Variants in DDX60 observed in about 807,000 individuals in gnomAD.
DDX60 encodes the protein DExD/H-box helicase 60, also known as probable ATP-dependent RNA helicase DDX60.
A neutral mutation model predicts 212.8 loss-of-function variants in DDX60; 165 were observed. That is an observed-to-expected ratio of 0.78 (90% confidence interval 0.68 to 0.88). The LOEUF (loss-of-function observed/expected upper bound fraction) is 0.88, where lower values mean the gene tolerates loss of function less well. Ranked by LOEUF, DDX60 falls within the 40% of genes least tolerant of loss-of-function variation. The pLI, the probability that DDX60 is intolerant of heterozygous loss-of-function variation, is 0.00. For synonymous variants in DDX60, 703 were observed against 685.3 expected, an observed-to-expected ratio of 1.03 and a Z score of -0.40; for missense variants, 1,905 against 2,003.9, an observed-to-expected ratio of 0.95 and a Z score of 0.94.
At chr4:168,290,678 C>T (rs1258391915) in intron 8 of DDX60, among the ~76,000 whole-genome samples, 1 of 151,986 alleles carries the variant, frequency 6.6e-6, no homozygotes, top group African/African-American at 2.4e-5. Flanking sequence ...TTAAGAAACA[C>T]CATCGTTTTC....
At chr4:168,285,560 T>C (rs1735789271) in intron 10 of DDX60, 62 bp from the exon 11 acceptor site, 1 of 960,474 alleles carries the variant, frequency 1.0e-6, no homozygotes, top group Non-Finnish European at 1.6e-6. Flanking sequence ...ACAGGAATAT[T>C]ACATATTATT....
intron 33 of DDX60, among the ~76,000 whole-genome samples, chr4:168,234,598 A>T (rs1158902995): frequency 1.3e-5 from 2 of 152,042 alleles, no homozygotes; most frequent in Non-Finnish European, 2.9e-5. Context: ...TTTCTTGAAC[A>T]TATTAATCAC....
chr4:168,306,231 T>C, intron 5 of DDX60, 148 bp downstream of exon 5: 1 of 547,108 alleles, frequency 1.8e-6, no homozygotes. Context: ...GCATTTGCAT[T>C]ATCATTATTT....
chr4:168,276,253 A>G, intron 14 of DDX60, 72 bp from the exon 15 acceptor site: 1 of 1,273,502 alleles, frequency 7.9e-7, no homozygotes. Context: ...CCCAAGATTA[A>G]TCATCTAGAT....
chr4:168,225,913 T>G (rs894543843), intron 33 of DDX60, among the ~76,000 whole-genome samples: 1 of 152,082 alleles, frequency 6.6e-6, no homozygotes, highest in African/African-American at 2.4e-5. Flanking sequence ...AAATGTATTT[T>G]GACATACTGA....
At chr4:168,310,312 G>A (rs1737073748) in intron 3 of DDX60, among the ~76,000 whole-genome samples, 5 of 152,126 alleles carry the variant, frequency 3.3e-5, no homozygotes, top group Admixed American at 3.3e-4. Context: ...CAATGCTATG[G>A]AAGAGAACCC....
At chr4:168,290,512 T>C (rs67856118) in intron 8 of DDX60, among the ~76,000 whole-genome samples, 47,811 of 151,128 alleles carry the variant, frequency 0.32, 7,839 homozygotes, top group African/African-American at 0.41. Flanking sequence ...TTTTTTTTGG[T>C]ATATTTTTAG....
In DDX60 at chr4:168,273,916, T is replaced by C. The variant is rs1735212376; in HGVS notation, c.2454+18A>G. On this transcript the variant is annotated intron_variant, in intron 17 of 37. Transcript: ENST00000393743. ...GGTTCAGGAATGAAAGAGAATATTA[T>C]AGTCACTTGAGCACTACCTTTGTGG... 4 of 1,608,426 alleles carry C rather than the reference T, an allele frequency of 2.5e-6. No individual in the cohort carries two copies. The South Asian group carries it at 4.4e-5, about 18-fold the overall frequency.
chr4:168,273,666 T>C (rs552461626), intron 17 of DDX60, among the ~76,000 whole-genome samples: 63 of 152,306 alleles, frequency 4.1e-4, no homozygotes, highest in African/African-American at 1.5e-3. Flanking sequence ...GTTGCCTATA[T>C]ATCAGAAAAA....
At chr4:168,278,322 G>A (rs921584705) in intron 14 of DDX60, among the ~76,000 whole-genome samples, 7 of 152,200 alleles carry the variant, frequency 4.6e-5, no homozygotes, top group Non-Finnish European at 1.0e-4. Flanking sequence ...TGGACACAGT[G>A]TTTGATAAGT....
At chr4:168,305,597 A>G (rs1736840600) in intron 5 of DDX60, among the ~76,000 whole-genome samples, 1 of 149,002 alleles carries the variant, frequency 6.7e-6, no homozygotes, top group African/African-American at 2.4e-5. Flanking sequence ...ATAATTTATT[A>G]TGTAAATAAA....
intron 19 of DDX60, among the ~76,000 whole-genome samples, chr4:168,270,821 C>T (rs531311725): frequency 6.7e-6 from 1 of 150,298 alleles, no homozygotes; most frequent in Non-Finnish European, 1.5e-5. Context: ...ATATATCTTT[C>T]TATCATGTTT....
chr4:168,218,992 A>T (rs1439666839), intron 37 of DDX60, among the ~76,000 whole-genome samples: 3 of 152,034 alleles, frequency 2.0e-5, no homozygotes, highest in Non-Finnish European at 4.4e-5. Context: ...CAATTTAATG[A>T]TCCTTTGGCC....
chr4:168,272,064 G>T lies in DDX60; in HGVS notation c.2649C>A (p.Ile883=). ...CTACCTCATCAAATATAACATATCT[G>T]ATCTTTTTCACCCAGTTTTGGCGAT... is the stretch of plus-strand genomic sequence containing the variant. ...APHRQNWVKK[I]RYVIFDEVHC... Residue 883 remains isoleucine, a synonymous_variant, in exon 19 of 38, where the codon ATC becomes ATA. Transcript: ENST00000393743. 1.3e-6 allele frequency: 2 copies of T among 1,583,928 alleles called. No homozygotes were observed. Among genetic ancestry groups the T allele is most frequent in the East Asian group, 2.3e-5 (1 of 43,840 alleles).
rs913415367 is a variant in DDX60, at chr4:168,261,874, A to G, written c.3273+126T>C. 3.6e-6 allele frequency: 4 copies of G among 1,115,546 alleles called. No homozygotes were observed. The East Asian group carries it at 8.6e-5, about 24-fold the overall frequency. 69.1% of individuals were successfully genotyped at this position (1,115,546 alleles called of 1,614,324 possible). On this transcript the variant is annotated intron_variant, in intron 24 of 37. Coordinates refer to ENST00000393743, the MANE Select transcript of DDX60 (RefSeq NM_017631.6). ...TCTATCTCAGAATTACTAGACTTCA[A>G]GTTCAACTTAAATTTCTAAAATAAA...
intron 22 of DDX60, 89 bp from the exon 23 acceptor site, chr4:168,262,876 C>T (rs1734683346): frequency 2.5e-6 from 2 of 795,140 alleles, no homozygotes; most frequent in Non-Finnish European, 3.8e-6. Flanking sequence ...CCCAAAGACA[C>T]TGAAAGGCAA....
At chr4:168,252,789 T>A (rs1734266326) in intron 26 of DDX60, 133 bp from the exon 27 acceptor site, 2 of 546,704 alleles carry the variant, frequency 3.7e-6, no homozygotes, top group Admixed American at 7.3e-5. Context: ...CGGCTGTGCA[T>A]CTTTATTATT....
chr4:168,237,245 G>T, intron 32 of DDX60, 41 bp downstream of exon 32: 2 of 1,304,416 alleles, frequency 1.5e-6, no homozygotes, highest in East Asian at 2.9e-5. Flanking sequence ...TGCTATTTTT[G>T]GACTCTCTCT....
chr4:168,319,448 T>G (rs1228053855), upstream of DDX60, among the ~76,000 whole-genome samples: 2 of 152,212 alleles, frequency 1.3e-5, no homozygotes, highest in African/African-American at 4.8e-5. Context: ...AGAAAGTATG[T>G]AACAATACAT....
Sources: gnomAD v4.1 joint callset for allele counts (sites outside exome capture counted in the v4.1 genomes callset) on GRCh38, gnomAD v4.1.1 for gene constraint, MANE v1.5 for transcripts, NCBI Gene and HGNC (gene_info 2026-07-23, HGNC 2026-07-21) for gene names.